The following PDGFRA variants were observed in gnomAD, a reference collection of about 807,000 sequenced individuals.
The protein encoded by PDGFRA is platelet derived growth factor receptor alpha.
A neutral mutation model predicts 121.5 loss-of-function variants in PDGFRA; 25 were observed. That is an observed-to-expected ratio of 0.21 (90% CI 0.15 to 0.29). The LOEUF is 0.29. PDGFRA is among the 10% of genes least tolerant of loss of function. The pLI is 1.00. For missense variants in PDGFRA, 1,008 were observed against 1,345.1 expected, an observed-to-expected ratio of 0.75 and a Z score of 3.92; for synonymous variants, 463 against 494.8, an observed-to-expected ratio of 0.94 and a Z score of 0.85.
At chr4:54,231,032 C>T (rs1168587322) in intron 1 of PDGFRA, among the ~76,000 whole-genome samples, 1 of 152,204 alleles carries the variant, frequency 6.6e-6, no homozygotes, top group Non-Finnish European at 1.5e-5. Flanking sequence ...GCGAGAGCTG[C>T]CGATGGCCTG....
chr4:54,231,874 G>A (rs1720692323), intron 1 of PDGFRA, among the ~76,000 whole-genome samples: 1 of 152,262 alleles, frequency 6.6e-6, no homozygotes, highest in African/African-American at 2.4e-5. Context: ...CCCTGGGCCA[G>A]TTTCCTCTCG....
chr4:54,231,851 C>T (rs914967603), intron 1 of PDGFRA, among the ~76,000 whole-genome samples: 4 of 152,248 alleles, frequency 2.6e-5, no homozygotes, highest in African/African-American at 9.6e-5. Context: ...ATCCCAGGCT[C>T]CCAGCTCTGC....
chr4:54,261,898 C>CATATATATATATATATATATATAT (rs397880252), intron 3 of PDGFRA, among the ~76,000 whole-genome samples: 2 of 95,298 alleles, frequency 2.1e-5, no homozygotes, highest in African/African-American at 8.1e-5. Context: ...AAAAAAGTTA[C>CATATATATATATATATATATATAT]ATATATATAT....
rs571088438 is a variant in PDGFRA at position 54,246,212 on chromosome 4, C to T, written c.-12-12545C>T. ...GAATTGAACTCAGCTCTGCACCAAG[C>T]GGACCTAATAGACATCTACAGAACT... On this transcript the variant is annotated intron_variant, in intron 1 of 22. Coordinates refer to ENST00000257290, the MANE Select transcript of PDGFRA (RefSeq NM_006206.6). Among the ~76,000 whole-genome samples the T allele has an allele frequency of 4.6e-4, 70 of 152,214 alleles. No homozygotes were observed. In the South Asian group the frequency reaches 7.9e-3, roughly 17 times the overall value.
At chr4:54,264,887 T>A (rs1177158008) in intron 4 of PDGFRA, 32 bp from the exon 5 acceptor site, 1 of 1,605,132 alleles carries the variant, frequency 6.2e-7, no homozygotes, top group Admixed American at 1.7e-5. Flanking sequence ...TCCTGTGGAT[T>A]TTTAGGCCCT....
At chr4:54,250,847 G>A (rs549558516) in intron 1 of PDGFRA, among the ~76,000 whole-genome samples, 4 of 151,958 alleles carry the variant, frequency 2.6e-5, no homozygotes, top group South Asian at 2.1e-4. Context: ...GGCAGATCAC[G>A]TGGGGTCAGG....
intron 1 of PDGFRA, among the ~76,000 whole-genome samples, chr4:54,242,501 TAA>T (rs1204868447): frequency 3.3e-5 from 5 of 152,194 alleles, no homozygotes; most frequent in Admixed American, 6.5e-5. Flanking sequence ...TCTATAGTTA[TAA>T]GTCAGCTTAA....
At chr4:54,271,389 T>A (rs533313917) in intron 8 of PDGFRA, among the ~76,000 whole-genome samples, 2 of 152,204 alleles carry the variant, frequency 1.3e-5, no homozygotes, top group South Asian at 4.1e-4. Context: ...TAGAAAAGAA[T>A]CTTTAAAACC....
chr4:54,278,518 G>A lies in PDGFRA; in HGVS notation c.2156+3G>A, dbSNP rs1723885021. 6.2e-7 allele frequency: 1 copy of A among 1,613,684 alleles called. No homozygotes were observed. Among genetic ancestry groups the A allele is most frequent in the African/African-American group, 1.3e-5 (1 of 74,880 alleles). On this transcript the variant is annotated splice_donor_region_variant and intron_variant, in intron 15 of 22. Transcript: ENST00000257290. ...CCTGCTGATGAAAGCACACGGAGGTGGGTGCAAAGAGAGATGTTGCTGTCT... is the reference window on the plus strand; with the variant it reads ...CCTGCTGATGAAAGCACACGGAGGTAGGTGCAAAGAGAGATGTTGCTGTCT...
At chr4:54,275,882 G>C (rs919716131) in intron 12 of PDGFRA, among the ~76,000 whole-genome samples, 4 of 152,162 alleles carry the variant, frequency 2.6e-5, no homozygotes, top group African/African-American at 9.7e-5. Context: ...ACTTTGAGAG[G>C]AACTTAGTTT....
intron 9 of PDGFRA, among the ~76,000 whole-genome samples, chr4:54,273,292 A>G (rs1482563884): frequency 1.3e-5 from 2 of 152,194 alleles, no homozygotes; most frequent in Non-Finnish European, 2.9e-5. Context: ...ATATTTTATT[A>G]AACTTGATTA....
intron 15 of PDGFRA, chr4:54,278,723 A>G: frequency 1.5e-6 from 1 of 662,990 alleles, no homozygotes; most frequent in Non-Finnish European, 2.8e-6. Flanking sequence ...TCACATGGGA[A>G]GGCCTTGCTG....
intron 1 of PDGFRA, among the ~76,000 whole-genome samples, chr4:54,251,553 C>T (rs1209377281): frequency 2.0e-5 from 3 of 152,142 alleles, no homozygotes; most frequent in African/African-American, 7.2e-5. Context: ...GAATGGTGTG[C>T]TTTCAGATAC....
chr4:54,293,429 CTTTTTT>C (rs35064429), intron 22 of PDGFRA, among the ~76,000 whole-genome samples: 1,262 of 116,124 alleles, frequency 0.011, 19 homozygotes, highest in African/African-American at 0.038. Flanking sequence ...CCTAGAATTT[CTTTTTT>C]TTTTTTTTTT....
intron 2 of PDGFRA, among the ~76,000 whole-genome samples, chr4:54,260,324 G>A (rs1029920950): frequency 6.6e-6 from 1 of 151,396 alleles, no homozygotes; most frequent in African/African-American, 2.4e-5. Context: ...TGGAAGATGT[G>A]GAATTCTTGA....
chr4:54,278,557 A>G (rs2110317586), intron 15 of PDGFRA, 42 bp downstream of exon 15: 1 of 1,591,628 alleles, frequency 6.3e-7, no homozygotes, highest in Non-Finnish European at 8.6e-7. Flanking sequence ...ATTATCTTAC[A>G]GGCATCACAA....
intron 8 of PDGFRA, among the ~76,000 whole-genome samples, chr4:54,270,955 G>A (rs1723319093): frequency 6.6e-6 from 1 of 152,074 alleles, no homozygotes; most frequent in African/African-American, 2.4e-5. Flanking sequence ...GAGTAGGCGA[G>A]GAATCCCTAG....
intron 15 of PDGFRA, chr4:54,278,798 A>G (rs757498219): frequency 5.2e-6 from 3 of 571,658 alleles, no homozygotes; most frequent in Non-Finnish European, 9.9e-6. Context: ...CATGTGATCC[A>G]CTTAGACCTA....
chr4:54,243,889 A>T (rs946424886), intron 1 of PDGFRA, among the ~76,000 whole-genome samples: 2 of 152,168 alleles, frequency 1.3e-5, no homozygotes, highest in Non-Finnish European at 2.9e-5. Context: ...GACGGGCTTA[A>T]AAAAAGGCAC....
Sources: allele counts gnomAD v4.1 joint callset (sites outside exome capture counted in the v4.1 genomes callset), GRCh38; gene constraint gnomAD v4.1.1; transcripts MANE v1.5; gene names NCBI Gene and HGNC (gene_info 2026-07-23, HGNC 2026-07-21).